Variants in TTC29 observed in about 807,000 individuals in gnomAD.
The protein encoded by TTC29 is tetratricopeptide repeat protein 29.
A neutral mutation model predicts 58.1 loss-of-function variants in TTC29; 49 were observed. The observed-to-expected ratio is 0.84, with a 90% CI of 0.67 to 1.07. The LOEUF (loss-of-function observed/expected upper bound fraction) is 1.07, where lower values mean the gene tolerates loss of function less well. Among genes scored for constraint, TTC29 ranks in the 50% least tolerant of loss-of-function variants. The pLI, the probability that TTC29 is intolerant of heterozygous loss-of-function variation, is 0.00. For missense variants in TTC29, 582 were observed against 555.6 expected, an observed-to-expected ratio of 1.05 and a Z score of -0.48; for synonymous variants, 209 against 196.8, an observed-to-expected ratio of 1.06 and a Z score of -0.52.
At chr4:146,849,672 G>GA (rs375432427) in intron 8 of TTC29, among the ~76,000 whole-genome samples, 72 of 145,136 alleles carry the variant, frequency 5.0e-4, no homozygotes, top group African/African-American at 1.0e-3. Context: ...TTTTCACTTA[G>GA]AAAAAAAAAA....
chr4:146,829,105 C>A (rs1191274951), intron 9 of TTC29, among the ~76,000 whole-genome samples: 1 of 152,156 alleles, frequency 6.6e-6, no homozygotes, highest in African/African-American at 2.4e-5. Flanking sequence ...ATGGTATAAT[C>A]ATTAAATTCA....
intron 11 of TTC29, among the ~76,000 whole-genome samples, chr4:146,768,503 C>G (rs946794031): frequency 1.3e-5 from 2 of 151,952 alleles, no homozygotes; most frequent in African/African-American, 4.8e-5. Context: ...CTGAGAAAAT[C>G]TGGCTCAAAT....
intron 2 of TTC29, among the ~76,000 whole-genome samples, chr4:146,940,982 T>C (rs533411251): frequency 6.6e-6 from 1 of 152,348 alleles, no homozygotes; most frequent in Admixed American, 6.5e-5. Flanking sequence ...GGAGATATTA[T>C]TGCAGCCCTT....
rs57449543 is a variant in TTC29, at chr4:146,785,947, AAT to A, written c.1330+17508_1330+17509del. On this transcript the variant is annotated intron_variant, in intron 11 of 12. Transcript: ENST00000325106. ...TTGTACTAGAATTGGGTTATTAAAG[AAT>A]ATATATATATATGTATATCTACAGT... 4.5e-3 allele frequency among the ~76,000 whole-genome samples: 682 copies of A among 150,198 alleles called. 6 individuals carry two copies. Among genetic ancestry groups the A allele is most frequent in the African/African-American group, 0.015 (599 of 41,110 alleles).
At chr4:146,728,736 GTATAACTGTCCAGAGGATA>G (rs1325089790) in intron 11 of TTC29, among the ~76,000 whole-genome samples, 17 of 120,764 alleles carry the variant, frequency 1.4e-4, no homozygotes, top group East Asian at 2.4e-4. Context: ...ATATATGTGT[GTATAACTGTCCAGAGGATA>G]TATGTACATA....
intron 11 of TTC29, among the ~76,000 whole-genome samples, chr4:146,788,985 G>C (rs1355906505): frequency 1.3e-5 from 2 of 152,066 alleles, no homozygotes; most frequent in African/African-American, 4.8e-5. Flanking sequence ...GGAGGTGATG[G>C]GGATAGATGC....
chr4:146,735,176 C>G (rs568520558), intron 11 of TTC29, among the ~76,000 whole-genome samples: 121 of 152,138 alleles, frequency 8.0e-4, no homozygotes, highest in Non-Finnish European at 1.3e-3. Context: ...CTCAAAGCCA[C>G]CCCCCTAAAG....
intron 11 of TTC29, among the ~76,000 whole-genome samples, chr4:146,719,186 T>TGG (rs1487101350): frequency 1.1e-3 from 124 of 116,246 alleles, no homozygotes; most frequent in South Asian, 3.1e-3. Context: ...CCTTGGCTAT[T>TGG]GGGGTGTGTG....
At chr4:146,782,006 T>C (rs1748642076) in intron 11 of TTC29, among the ~76,000 whole-genome samples, 3 of 151,750 alleles carry the variant, frequency 2.0e-5, no homozygotes, top group South Asian at 4.2e-4. Flanking sequence ...AAATAGGAAA[T>C]TGAAGCAAAT....
chr4:146,756,014 C>T (rs1199319144), intron 11 of TTC29, among the ~76,000 whole-genome samples: 1 of 152,100 alleles, frequency 6.6e-6, no homozygotes, highest in African/African-American at 2.4e-5. Flanking sequence ...GTGGCTCAAG[C>T]CTGTAATCCC....
At chr4:146,835,698 T>C (rs1728464510) in intron 8 of TTC29, among the ~76,000 whole-genome samples, 1 of 151,950 alleles carries the variant, frequency 6.6e-6, no homozygotes, top group South Asian at 2.1e-4. Flanking sequence ...TGAAGACAGG[T>C]TTCCCCAGGA....
chr4:146,770,254 CATTT>C (rs1053475698), intron 11 of TTC29, among the ~76,000 whole-genome samples: 1 of 151,780 alleles, frequency 6.6e-6, no homozygotes, highest in Non-Finnish European at 1.5e-5. Flanking sequence ...GAACTCTGGG[CATTT>C]TGTAAAATGC....
chr4:146,911,707 A>G lies in TTC29; in HGVS notation c.177-2458T>C, dbSNP rs546914854. Among the ~76,000 whole-genome samples, 14 of 152,258 alleles carry G rather than the reference A, an allele frequency of 9.2e-5. No homozygotes were observed. In the East Asian group the frequency reaches 2.7e-3, roughly 29 times the overall value. ...CTACAGGGCTGCTACAGCTTCAGAC[A>G]TTAGGTCTACTTTCAAGACAGGAAG... is the stretch of plus-strand genomic sequence containing the variant. On this transcript the variant is annotated intron_variant, in intron 4 of 12. Coordinates refer to ENST00000325106, the MANE Select transcript of TTC29 (RefSeq NM_031956.4).
chr4:146,739,055 G>A (rs761666310), intron 11 of TTC29, among the ~76,000 whole-genome samples: 18 of 152,060 alleles, frequency 1.2e-4, no homozygotes, highest in Non-Finnish European at 2.4e-4. Flanking sequence ...TTTAAAATTT[G>A]TTTAGAAAAT....
Position 146,845,828 on chromosome 4 carries a change from C to T in TTC29, c.886-11931G>A, listed in dbSNP as rs1040617471. 2.4e-3 allele frequency among the ~76,000 whole-genome samples: 371 copies of T among 152,204 alleles called. 1 individual carries two copies. The highest frequency in any genetic ancestry group is 4.5e-3 in the Admixed American group (69 of 15,284). On this transcript the variant is annotated intron_variant, in intron 8 of 12. Coordinates refer to ENST00000325106, the MANE Select transcript of TTC29 (RefSeq NM_031956.4). ...ACTTGTACACACAATCACACACACACACACACACACACACCACTTCTTTGT... is the reference window on the plus strand; with the variant it reads ...ACTTGTACACACAATCACACACACATACACACACACACACCACTTCTTTGT...
chr4:146,859,380 T>C (rs1730078516), intron 8 of TTC29, among the ~76,000 whole-genome samples: 1 of 152,112 alleles, frequency 6.6e-6, no homozygotes, highest in Middle Eastern at 3.2e-3. Context: ...TTGTTTATTA[T>C]TTTTTATTTA....
chr4:146,835,897 A>T (rs1240288185), intron 8 of TTC29, among the ~76,000 whole-genome samples: 1 of 152,108 alleles, frequency 6.6e-6, no homozygotes, highest in Non-Finnish European at 1.5e-5. Flanking sequence ...ATCCCACACC[A>T]CTGTGCCATA....
intron 6 of TTC29, among the ~76,000 whole-genome samples, chr4:146,894,055 A>G (rs1232854184): frequency 6.6e-6 from 1 of 152,164 alleles, no homozygotes; most frequent in Non-Finnish European, 1.5e-5. Context: ...GATGTGGAGA[A>G]ATAGGAACAC....
At chr4:146,876,832 A>C (rs944989621) in intron 6 of TTC29, among the ~76,000 whole-genome samples, 1 of 148,118 alleles carries the variant, frequency 6.8e-6, no homozygotes, top group Non-Finnish European at 1.5e-5. Context: ...GCTACTTAGG[A>C]GGCTGAGGCA....
Sources: allele counts gnomAD v4.1 joint callset (sites outside exome capture counted in the v4.1 genomes callset), GRCh38; gene constraint gnomAD v4.1.1; transcripts MANE v1.5; gene names NCBI Gene and HGNC (gene_info 2026-07-23, HGNC 2026-07-21).